Variants in MCM10 observed in about 807,000 individuals in gnomAD.
MCM10 encodes the protein minichromosome maintenance 10 replication initiation factor.
Under a neutral mutation model 109.9 loss-of-function variants are expected in MCM10, and 91 were observed. That is an observed-to-expected ratio of 0.83 (90% CI 0.70 to 0.99). The LOEUF (loss-of-function observed/expected upper bound fraction) is 0.99, where lower values mean the gene tolerates loss of function less well. Ranked by LOEUF, MCM10 falls within the 50% of genes least tolerant of loss-of-function variation. The pLI is 0.00. For missense variants in MCM10, 1,077 were observed against 1,061.2 expected (o/e 1.01, Z -0.21); for synonymous variants, 380 against 387.2 (o/e 0.98, Z 0.22).
chr10:13,208,646 A>T (rs1372639691), intron 18 of MCM10, among the ~76,000 whole-genome samples: 1 of 152,068 alleles, frequency 6.6e-6, no homozygotes, highest in Non-Finnish European at 1.5e-5. Flanking sequence ...AGGATGATCC[A>T]GACTAGAAAG....
chr10:13,186,843 T>C (rs1410684654), intron 9 of MCM10, among the ~76,000 whole-genome samples: 1 of 151,998 alleles, frequency 6.6e-6, no homozygotes, highest in Admixed American at 6.6e-5. Flanking sequence ...AATACAAAAA[T>C]TAGGCGGTCA....
At chr10:13,175,388 T>G in intron 5 of MCM10, 122 bp from the exon 6 acceptor site, 1 of 761,634 alleles carries the variant, frequency 1.3e-6, no homozygotes, top group South Asian at 1.6e-5. Context: ...ACCATTGCAC[T>G]CCTGCCTGGG....
chr10:13,186,750 G>A (rs973758165), intron 9 of MCM10, among the ~76,000 whole-genome samples: 6 of 152,076 alleles, frequency 3.9e-5, no homozygotes, highest in African/African-American at 1.2e-4. Flanking sequence ...TCAGCACTTC[G>A]GGAGGTCGAG....
chr10:13,197,567 T>C, intron 14 of MCM10, 56 bp from the exon 15 acceptor site: 1 of 1,535,778 alleles, frequency 6.5e-7, no homozygotes, highest in African/African-American at 1.4e-5. Context: ...TCCAGGTCTA[T>C]AAGTGCCTCT....
intron 14 of MCM10, among the ~76,000 whole-genome samples, chr10:13,196,655 G>A (rs531408448): frequency 2.0e-5 from 3 of 152,126 alleles, no homozygotes; most frequent in African/African-American, 7.2e-5. Flanking sequence ...TGGGATTACA[G>A]GTGCCCACCA....
At chr10:13,190,754 G>T (rs988939905) in intron 10 of MCM10, among the ~76,000 whole-genome samples, 10 of 151,220 alleles carry the variant, frequency 6.6e-5, no homozygotes, top group Non-Finnish European at 1.3e-4. Flanking sequence ...CTTCATATGT[G>T]TACATTTTTA....
chr10:13,198,143 A>C (rs140383351), intron 15 of MCM10, among the ~76,000 whole-genome samples: 3,432 of 152,032 alleles, frequency 0.023, 98 homozygotes, highest in African/African-American at 0.065. Flanking sequence ...CGATCTCTTG[A>C]CCTCATGATC....
chr10:13,171,368 A>C, intron 3 of MCM10, 105 bp downstream of exon 3: 1 of 1,080,774 alleles, frequency 9.3e-7, no homozygotes, highest in Non-Finnish European at 1.3e-6. Context: ...GGTAGAGATA[A>C]ATGACTTTGT....
rs751539198 is a variant in MCM10, at chr10:13,197,684, G to C, written c.2036G>C (p.Ser679Thr). 5.0e-6 allele frequency: 8 copies of C among 1,613,910 alleles called. No individual in the cohort carries two copies. Among genetic ancestry groups the C allele is most frequent in the Non-Finnish European group, 6.8e-6 (8 of 1,179,954 alleles). The change falls in exon 15 of 20, where the codon AGC (serine) becomes ACC (threonine). Residue 679 changes from serine to threonine, a missense_variant. By Grantham distance (58) the Ser-to-Thr change is moderately conservative (BLOSUM62 1). Transcript: ENST00000378714. ...GQVLTKTNPNSIKKKQKDPQD... is the reference protein window; with the variant it reads ...GQVLTKTNPNTIKKKQKDPQD... ...GTTCTTACAAAAACAAACCCAAACA[G>C]CATTAAGAAGAAACAAAAGGACCCT... is the stretch of plus-strand genomic sequence containing the variant.
In MCM10 at chr10:13,180,593, C is replaced by T; in HGVS notation, c.916C>T (p.Gln306Ter). The T allele has an allele frequency of 6.2e-7, 1 of 1,614,102 alleles. No homozygotes were observed. Among genetic ancestry groups the T allele is most frequent in the Non-Finnish European group, 8.5e-7 (1 of 1,180,028 alleles). Residue 306 changes from glutamine (Q) to a stop codon, truncating the protein, a stop_gained, in exon 7 of 20, where the codon CAG becomes TAG. Transcript: ENST00000378714. LOFTEE classifies it high-confidence loss of function. ...FGVILKKVTPQSVNSGKTFSI... is the reference protein window; with the variant it reads ...FGVILKKVTP Reference sequence around the variant, plus strand: ...GGTTATATTGAAGAAGGTTACGCCACAGAGTGTGAATAGTGTAAGCCATTG... The same window carrying T: ...GGTTATATTGAAGAAGGTTACGCCATAGAGTGTGAATAGTGTAAGCCATTG...
chr10:13,198,877 G>C, intron 16 of MCM10, 70 bp downstream of exon 16: 4 of 976,812 alleles, frequency 4.1e-6, no homozygotes, highest in South Asian at 1.3e-5. Flanking sequence ...CTAGCTGTAG[G>C]ACCAAGAATG....
At chr10:13,166,328 A>T (rs1382748922) in intron 2 of MCM10, among the ~76,000 whole-genome samples, 1 of 152,000 alleles carries the variant, frequency 6.6e-6, no homozygotes, top group Non-Finnish European at 1.5e-5. Flanking sequence ...GATTACATCT[A>T]TTTTTTCTGT....
At chr10:13,178,573 G>C (rs1243705295) in intron 6 of MCM10, among the ~76,000 whole-genome samples, 1 of 152,098 alleles carries the variant, frequency 6.6e-6, no homozygotes, top group Non-Finnish European at 1.5e-5. Flanking sequence ...TTCGTTTCTG[G>C]TTTCTCTATG....
intron 6 of MCM10, among the ~76,000 whole-genome samples, chr10:13,178,651 A>C (rs1834171662): frequency 6.6e-6 from 1 of 152,048 alleles, no homozygotes; most frequent in Non-Finnish European, 1.5e-5. Context: ...TGATTCCTCC[A>C]GTTTTGTTCT....
Position 13,209,491 on chromosome 10 carries a change from A to G in MCM10, c.*181A>G, listed in dbSNP as rs887005830. On this transcript the variant is annotated 3_prime_UTR_variant, in exon 20 of 20. Transcript: ENST00000378714. ...GGGTTGGTTTGATACCACATTTAAC[A>G]TTGACATTTAAGTGGAAAACCAAGT... 5.0e-6 allele frequency: 3 copies of G among 602,578 alleles called. No homozygotes were observed. The highest frequency in any genetic ancestry group is 3.0e-5 in the Admixed American group (1 of 33,440). The allele number at this position is 602,578 out of a possible 1,614,324, so 37.3% of individuals were successfully genotyped here.
At chr10:13,188,836 C>T (rs757731110) in intron 9 of MCM10, 45 bp from the exon 10 acceptor site, 16 of 1,545,054 alleles carry the variant, frequency 1.0e-5, no homozygotes, top group Middle Eastern at 1.7e-4. Context: ...TGCTGTTTCC[C>T]AGCCTGTTGC....
chr10:13,175,139 C>T (rs1189883288), intron 5 of MCM10, among the ~76,000 whole-genome samples: 1 of 151,402 alleles, frequency 6.6e-6, no homozygotes, highest in Non-Finnish European at 1.5e-5. Context: ...AAAAAAGGAA[C>T]AGTTCGGACT....
Position 13,192,533 on chromosome 10 carries a change from G to T in MCM10, c.1710G>T (p.Glu570Asp). 1 of 1,614,202 alleles carries T rather than the reference G, an allele frequency of 6.2e-7. No homozygotes were observed. The highest frequency in any genetic ancestry group is 8.5e-7 in the Non-Finnish European group (1 of 1,180,052). The change falls in exon 13 of 20, where the codon GAG becomes GAT. Residue 570 changes from glutamate to aspartate, a missense_variant. Coordinates refer to ENST00000378714, the MANE Select transcript of MCM10 (RefSeq NM_018518.5). ...LLKQQKQRML[E>D]MRRRKSEEIQ... is the part of the protein sequence containing the mutation. Reference sequence around the variant, plus strand: ...AGCAACAGAAGCAGCGGATGTTGGAGATGAGGAGAAGGAAATCAGAAGAAA... The same window carrying T: ...AGCAACAGAAGCAGCGGATGTTGGATATGAGGAGAAGGAAATCAGAAGAAA...
In MCM10 at chr10:13,172,607, A is replaced by T. The variant is rs1453768904; in HGVS notation, c.455-21A>T. On this transcript the variant is annotated intron_variant, in intron 4 of 19. Transcript: ENST00000378714. This position sits in a 1 kb window ranked among gnomAD's most constrained non-coding sequence, Gnocchi z 5.2. ...TTTCTGAATGGGTTTTTACTCACTT[A>T]TTTTACTTTTGATTAAGTAGAGAAG... is the stretch of plus-strand genomic sequence containing the variant. 3.7e-6 allele frequency: 6 copies of T among 1,613,148 alleles called. No homozygotes were observed. Among genetic ancestry groups the T allele is most frequent in the Non-Finnish European group, 5.1e-6 (6 of 1,179,734 alleles).
Sources: gnomAD v4.1 joint callset for allele counts (sites outside exome capture counted in the v4.1 genomes callset) on GRCh38, gnomAD v4.1.1 for gene constraint, Gnocchi (gnomAD v3.1) non-coding constraint, MANE v1.5 for transcripts, NCBI Gene and HGNC (gene_info 2026-07-23, HGNC 2026-07-21) for gene names.